FOXN3: variants seen among roughly 807,000 people sequenced by gnomAD.
FOXN3 encodes forkhead box N3.
In FOXN3, 7 loss-of-function variants were observed where a neutral mutation model predicts 38.4. The observed-to-expected ratio is 0.18, with a 90% CI of 0.10 to 0.34. The LOEUF is 0.34. FOXN3 is among the 10% of genes least tolerant of loss of function. The pLI is 1.00. For missense variants in FOXN3, 456 were observed against 613.4 expected (o/e 0.74, Z 2.71); for synonymous variants, 230 against 242.2 (o/e 0.95, Z 0.47).
chr14:89,442,258 A>G (rs1892402655), intron 1 of FOXN3, among the ~76,000 whole-genome samples: 1 of 152,084 alleles, frequency 6.6e-6, no homozygotes, highest in Non-Finnish European at 1.5e-5. Context: ...GACACTCAAC[A>G]TTCAAATCAT....
intron 3 of FOXN3, among the ~76,000 whole-genome samples, chr14:89,327,169 G>C (rs1888108800): frequency 6.6e-6 from 1 of 152,190 alleles, no homozygotes; most frequent in Non-Finnish European, 1.5e-5. Context: ...CATGCAGTGA[G>C]AGATCATATA....
intron 1 of FOXN3, among the ~76,000 whole-genome samples, chr14:89,505,541 T>A (rs948223102): frequency 8.5e-5 from 13 of 152,150 alleles, no homozygotes; most frequent in Non-Finnish European, 1.8e-4. Flanking sequence ...CCTCCCGAGG[T>A]GCCGGGATGG....
intron 4 of FOXN3, chr14:89,184,044 C>T (rs1297203910): frequency 6.6e-6 from 1 of 152,172 alleles, no homozygotes; most frequent in African/African-American, 2.4e-5. Flanking sequence ...GATCAACATC[C>T]ACAGAGGAAT....
intron 1 of FOXN3, among the ~76,000 whole-genome samples, chr14:89,446,368 T>G (rs1358139923): frequency 2.6e-5 from 4 of 151,796 alleles, no homozygotes; most frequent in African/African-American, 9.7e-5. Context: ...TTTGTGTTTT[T>G]GGTAGAGACG....
chr14:89,437,492 A>G (rs1372672752), intron 1 of FOXN3, among the ~76,000 whole-genome samples: 1 of 152,182 alleles, frequency 6.6e-6, no homozygotes, highest in Non-Finnish European at 1.5e-5. Context: ...CGTGTGAACC[A>G]GGGCAACTCC....
chr14:89,374,905 A>T (rs1890428803), intron 2 of FOXN3, among the ~76,000 whole-genome samples: 1 of 150,530 alleles, frequency 6.6e-6, no homozygotes, highest in Non-Finnish European at 1.5e-5. Flanking sequence ...TGAATACAGG[A>T]GGTGGAGATT....
At position 89,280,010 on chromosome 14, in the gene FOXN3, T is replaced by C. The variant is rs149333948; in HGVS notation, c.745+940A>G. Among the ~76,000 whole-genome samples the C allele has an allele frequency of 9.8e-3, 1,487 of 152,190 alleles. 23 individuals are homozygous for C. The highest frequency in any genetic ancestry group is 0.034 in the African/African-American group (1,426 of 41,510). On this transcript the variant is annotated intron_variant, in intron 4 of 5. Transcript: ENST00000557258. ...GGCTAAACAGCTCTCAACCAATCAA[T>C]AGACACTAAAATCCCTCACCATAAG...
At chr14:89,563,593 G>T (rs1320143382) in intron 1 of FOXN3, among the ~76,000 whole-genome samples, 2 of 152,176 alleles carry the variant, frequency 1.3e-5, no homozygotes, top group Non-Finnish European at 2.9e-5. Flanking sequence ...GGTGATGCAT[G>T]CGAGCCTTGG....
chr14:89,528,055 C>T (rs761111867), intron 1 of FOXN3, among the ~76,000 whole-genome samples: 37 of 152,090 alleles, frequency 2.4e-4, no homozygotes, highest in Non-Finnish European at 5.3e-4. Context: ...ACTCTCATAC[C>T]CTGCTGGTAG....
intron 4 of FOXN3, among the ~76,000 whole-genome samples, chr14:89,263,077 C>A (rs1381156860): frequency 2.0e-5 from 3 of 152,082 alleles, no homozygotes; most frequent in Non-Finnish European, 4.4e-5. Flanking sequence ...ATGTTTTCTG[C>A]CTAGAAAAAC....
intron 2 of FOXN3, among the ~76,000 whole-genome samples, chr14:89,360,175 C>T (rs1889405416): frequency 6.6e-6 from 1 of 152,128 alleles, no homozygotes; most frequent in Non-Finnish European, 1.5e-5. Context: ...AAAATGCCCT[C>T]CCCTCCCGCC....
At chr14:89,221,371 C>T (rs1006793531) in intron 4 of FOXN3, among the ~76,000 whole-genome samples, 1 of 152,190 alleles carries the variant, frequency 6.6e-6, no homozygotes, top group African/African-American at 2.4e-5. Context: ...CCATACTGTA[C>T]TTAAAAGCCA....
chr14:89,578,966 G>C (rs1235915831), intron 1 of FOXN3, among the ~76,000 whole-genome samples: 1 of 152,096 alleles, frequency 6.6e-6, no homozygotes, highest in Non-Finnish European at 1.5e-5. Flanking sequence ...TCTCACCTCA[G>C]CCACCTGAGT....
chr14:89,571,762 T>C (rs1361476031), intron 1 of FOXN3, among the ~76,000 whole-genome samples: 3 of 152,178 alleles, frequency 2.0e-5, no homozygotes, highest in African/African-American at 7.2e-5. Context: ...CTTCAGGCTA[T>C]AGTTTGCCTA....
chr14:89,173,434 A>G (rs1401632516), intron 5 of FOXN3, among the ~76,000 whole-genome samples: 3 of 152,242 alleles, frequency 2.0e-5, no homozygotes, highest in Admixed American at 2.0e-4. Context: ...TACATACCCT[A>G]TAAATCAACA....
intron 3 of FOXN3, among the ~76,000 whole-genome samples, chr14:89,332,706 T>C (rs561001412): frequency 1.3e-5 from 2 of 152,294 alleles, no homozygotes; most frequent in African/African-American, 2.4e-5. Flanking sequence ...TAAGTGGGAC[T>C]ACATCAAACT....
chr14:89,412,483 G>GA lies in FOXN3; in HGVS notation c.-8dup. On this transcript the variant is annotated 5_prime_UTR_variant, in exon 2 of 6. The change creates a premature stop within an existing upstream ORF in the 5' untranslated region. Coordinates refer to ENST00000557258, the MANE Select transcript of FOXN3 (RefSeq NM_005197.4). This position sits in a 1 kb window ranked among gnomAD's most constrained non-coding sequence, Gnocchi z 4.7. The stretch of plus-strand genomic sequence containing the variant: ...GAGGCATGACTGGACCCATTTACGT[G>GA]AAGGCTCCTAGTAAAGACATCACAA... The GA allele has an allele frequency of 6.3e-7, 1 of 1,589,152 alleles. No individual in the cohort carries two copies. Among genetic ancestry groups the GA allele is most frequent in the Non-Finnish European group, 8.6e-7 (1 of 1,166,334 alleles).
chr14:89,316,954 C>G (rs947393807), intron 3 of FOXN3, among the ~76,000 whole-genome samples: 1 of 152,134 alleles, frequency 6.6e-6, no homozygotes, highest in African/African-American at 2.4e-5. Context: ...AGTGAGCCAC[C>G]ACACCCGGCC....
At chr14:89,381,758 G>C (rs1477738988) in intron 2 of FOXN3, among the ~76,000 whole-genome samples, 2 of 151,968 alleles carry the variant, frequency 1.3e-5, no homozygotes, top group African/African-American at 4.8e-5. Flanking sequence ...TACTCAGGAG[G>C]CTGAGATGGG....
Sources: gnomAD v4.1 joint callset for allele counts (sites outside exome capture counted in the v4.1 genomes callset) on GRCh38, gnomAD v4.1.1 for gene constraint, Gnocchi (gnomAD v3.1) non-coding constraint, MANE v1.5 for transcripts, NCBI Gene and HGNC (gene_info 2026-07-23, HGNC 2026-07-21) for gene names.